ARHGAP30: variants seen among roughly 807,000 people sequenced by gnomAD.
The protein encoded by ARHGAP30 is Rho GTPase activating protein 30.
ARHGAP30 carries 23 observed loss-of-function variants against 72.0 expected under a neutral mutation model. That is an observed-to-expected ratio of 0.32 (90% confidence interval 0.23 to 0.45). The LOEUF (loss-of-function observed/expected upper bound fraction) is 0.45, where lower values mean the gene tolerates loss of function less well. Ranked by LOEUF, ARHGAP30 falls within the 20% of genes least tolerant of loss-of-function variation. ARHGAP30 has a pLI of 1.00. For synonymous variants in ARHGAP30, 576 were observed against 528.2 expected (o/e 1.09, Z -1.24); for missense variants, 1,319 against 1,383.4 (o/e 0.95, Z 0.74).
At chr1:161,066,644 C>CAAAAAAAAAA (rs60662116) in intron 1 of ARHGAP30, among the ~76,000 whole-genome samples, 2 of 75,080 alleles carry the variant, frequency 2.7e-5, no homozygotes, top group South Asian at 1.1e-3. Context: ...GACTGCATCT[C>CAAAAAAAAAA]AAAAAAAAAA....
chr1:161,055,136 G>A (rs1325267014), intron 3 of ARHGAP30, among the ~76,000 whole-genome samples: 4 of 152,116 alleles, frequency 2.6e-5, no homozygotes, highest in Non-Finnish European at 5.9e-5. Flanking sequence ...TCAATAAAGT[G>A]CAACTTATTT....
intron 1 of ARHGAP30, among the ~76,000 whole-genome samples, chr1:161,063,362 A>G (rs966410764): frequency 2.6e-5 from 4 of 152,258 alleles, no homozygotes; most frequent in African/African-American, 4.8e-5. Context: ...CCAAATTAAT[A>G]CTTTTGTAAT....
At chr1:161,052,259 C>A in intron 9 of ARHGAP30, 27 bp downstream of exon 9, 1 of 1,612,932 alleles carries the variant, frequency 6.2e-7, no homozygotes, top group Non-Finnish European at 8.5e-7. Flanking sequence ...CACACACATA[C>A]ACACAGAAAT....
intron 1 of ARHGAP30, among the ~76,000 whole-genome samples, chr1:161,063,866 T>C (rs1476264021): frequency 1.3e-5 from 2 of 152,100 alleles, no homozygotes; most frequent in Non-Finnish European, 2.9e-5. Context: ...TAAACTCCAG[T>C]CTCCCATAGC....
intron 1 of ARHGAP30, among the ~76,000 whole-genome samples, chr1:161,064,908 GGGAA>G (rs1294150398): frequency 1.3e-5 from 2 of 150,808 alleles, no homozygotes; most frequent in African/African-American, 4.9e-5. Context: ...AAGGGAGGGA[GGGAA>G]GGAAGAGAAA....
At position 161,049,011 on chromosome 1, in the gene ARHGAP30, G is replaced by C. The variant is rs760795163; in HGVS notation, c.2010C>G (p.Asp670Glu). Residue 670 changes from aspartate (D) to glutamate (E), a missense_variant, in exon 12 of 12, where the codon GAC (aspartate) becomes GAG (glutamate). Asp to Glu is a conservative substitution (Grantham distance 45, BLOSUM62 2). Coordinates refer to ENST00000368013, the MANE Select transcript of ARHGAP30 (RefSeq NM_001025598.2). Reference protein sequence around the residue: ...DKQAEPGGRLDIREEAEGSPE... With the variant: ...DKQAEPGGRLEIREEAEGSPE... The stretch of plus-strand genomic sequence containing the variant: ...GACTTCCCTCTGCCTCTTCCCTGAT[G>C]TCTAGCCTGCCTCCAGGCTCAGCCT... 1.4e-5 allele frequency: 22 copies of C among 1,613,534 alleles called. No individual in the cohort carries two copies. The highest frequency in any genetic ancestry group is 1.9e-5 in the Non-Finnish European group (22 of 1,180,022).
chr1:161,060,114 C>A, intron 1 of ARHGAP30: 2 of 379,152 alleles, frequency 5.3e-6, no homozygotes, highest in Non-Finnish European at 5.3e-6. Flanking sequence ...AACTCTGTCT[C>A]TACAAAAAAT....
intron 1 of ARHGAP30, among the ~76,000 whole-genome samples, chr1:161,066,389 G>A (rs1408319160): frequency 1.3e-5 from 2 of 150,178 alleles, no homozygotes; most frequent in Non-Finnish European, 3.0e-5. Context: ...GCTCACACCT[G>A]TAATCCCAGC....
At position 161,049,148 on chromosome 1, in the gene ARHGAP30, G is replaced by T; in HGVS notation, c.1873C>A (p.Pro625Thr). The part of the protein sequence containing the change: ...DLSPLLGPKP[P>T]IWKGSGSLEG... ...AGACTCCCTGAACCCTTCCAGATTG[G>T]GGGTTTAGGTCCCAGAAGGGGACTT... Residue 625 changes from proline (P) to threonine (T), a missense_variant, in exon 12 of 12, where the codon CCA becomes ACA. Transcript: ENST00000368013. The T allele has an allele frequency of 6.2e-7, 1 of 1,614,146 alleles. No homozygotes were observed. The highest frequency in any genetic ancestry group is 8.5e-7 in the Non-Finnish European group (1 of 1,180,012).
chr1:161,052,446 C>T lies in ARHGAP30; in HGVS notation c.934G>A (p.Asp312Asn). 5 of 1,613,694 alleles carry T rather than the reference C, an allele frequency of 3.1e-6. No homozygotes were observed. The highest frequency in any genetic ancestry group is 4.2e-6 in the Non-Finnish European group (5 of 1,179,934). Residue 312 changes from aspartate to asparagine, a missense_variant, in exon 8 of 12, where the codon GAC becomes AAC. Coordinates refer to ENST00000368013, the MANE Select transcript of ARHGAP30 (RefSeq NM_001025598.2). ...CCCATCTCCCCAGACTTACCCCTGT[C>T]CTCAGCCCCCCGTGGAAGTTTACGC... The part of the protein sequence containing the change: ...TKRKLPRGAE[D>N]REDKSNKGTL...
intron 10 of ARHGAP30, among the ~76,000 whole-genome samples, chr1:161,050,428 C>T (rs1356323618): frequency 6.7e-6 from 1 of 148,704 alleles, no homozygotes; most frequent in African/African-American, 2.5e-5. Flanking sequence ...CCTTCTGAGT[C>T]TCTGGGATTA....
In ARHGAP30 at chr1:161,051,324, A is replaced by G. The variant is rs1050328653; in HGVS notation, c.1410T>C (p.Pro470=). The part of the protein sequence containing the change: ...SGPGPGPGLG[P]GPPDEKLEAS... ...TCAATGGGTCCTCACCTGGGGGGCC[A>G]GGGCCAAGGCCAGGGCCAGGGCCAG... The change falls in exon 10 of 12, where the codon CCT becomes CCC. Residue 470 remains proline (P), a synonymous_variant. Transcript: ENST00000368013. 10 of 1,599,182 alleles carry G rather than the reference A, an allele frequency of 6.3e-6. No homozygotes were observed. The African/African-American group carries it at 1.2e-4, about 19-fold the overall frequency.
chr1:161,065,869 T>C (rs994852032), intron 1 of ARHGAP30, among the ~76,000 whole-genome samples: 3 of 60,238 alleles, frequency 5.0e-5, no homozygotes, highest in African/African-American at 4.2e-4. Flanking sequence ...ACCCGGCCCC[T>C]TATTTATTTA....
intron 1 of ARHGAP30, among the ~76,000 whole-genome samples, chr1:161,067,996 C>T (rs1285551703): frequency 5.1e-5 from 1 of 19,720 alleles, no homozygotes. Flanking sequence ...ATTCAGCAAT[C>T]AGATCTGTCT....
At chr1:161,062,013 G>A (rs748234264) in intron 1 of ARHGAP30, among the ~76,000 whole-genome samples, 6 of 152,062 alleles carry the variant, frequency 3.9e-5, no homozygotes, top group Admixed American at 1.3e-4. Context: ...GCTTGAACCC[G>A]GGAGGTGGAG....
At chr1:161,065,255 C>T (rs1023524944) in intron 1 of ARHGAP30, among the ~76,000 whole-genome samples, 1 of 152,114 alleles carries the variant, frequency 6.6e-6, no homozygotes, top group Non-Finnish European at 1.5e-5. Flanking sequence ...GGATTACAGG[C>T]GTGAGCCACT....
intron 1 of ARHGAP30, among the ~76,000 whole-genome samples, chr1:161,063,086 T>A (rs1304202212): frequency 6.6e-6 from 1 of 152,236 alleles, no homozygotes; most frequent in Non-Finnish European, 1.5e-5. Flanking sequence ...GTGCTGGGAT[T>A]ACAGGCGTGA....
chr1:161,064,947 AGAAGG>A (rs1215024641), intron 1 of ARHGAP30, among the ~76,000 whole-genome samples: 1 of 151,292 alleles, frequency 6.6e-6, no homozygotes, highest in Non-Finnish European at 1.5e-5. Context: ...AGGGAAGGGA[AGAAGG>A]GAAGGGAAGG....
intron 5 of ARHGAP30, among the ~76,000 whole-genome samples, chr1:161,053,596 C>A (rs554593414): frequency 4.2e-4 from 64 of 151,790 alleles, no homozygotes; most frequent in Non-Finnish European, 5.6e-4. Context: ...AGGAAGGAAG[C>A]CTTCTTGGAC....
Sources: gnomAD v4.1 joint callset for allele counts (sites outside exome capture counted in the v4.1 genomes callset) on GRCh38, gnomAD v4.1.1 for gene constraint, MANE v1.5 for transcripts, NCBI Gene and HGNC (gene_info 2026-07-23, HGNC 2026-07-21) for gene names.